Variants in OR5M3 observed in about 807,000 individuals in gnomAD.
OR5M3 encodes the protein olfactory receptor family 5 subfamily M member 3, also known as olfactory receptor 5M3.
For missense variants in OR5M3, 384 were observed against 378.6 expected (o/e 1.01, Z -0.12); for synonymous variants, 129 against 131.3 (o/e 0.98, Z 0.12).
chr11:56,469,760 G>C lies in OR5M3; in HGVS notation c.738C>G (p.Val246=), dbSNP rs1310897932. 1 of 1,613,098 alleles carries C rather than the reference G, an allele frequency of 6.2e-7. No homozygotes were observed. The highest frequency in any genetic ancestry group is 8.5e-7 in the Non-Finnish European group (1 of 1,179,378). The change falls in exon 2 of 2, where the codon GTC becomes GTG. Residue 246 remains valine (V), a synonymous_variant. Transcript: ENST00000641993. ...FSTCGSHLTA[V]IIFYGTLIFM... is the part of the protein sequence containing the mutation. ...AGATCAGAGTACCATAGAATATAAT[G>C]ACAGCTGTCAGATGGGACCCACATG...
chr11:56,470,039 C>G lies in OR5M3; in HGVS notation c.459G>C (p.Thr153=), dbSNP rs1177460032. Residue 153 remains threonine, a synonymous_variant, in exon 2 of 2, where the codon ACG becomes ACC. Coordinates refer to ENST00000641993, the MANE Select transcript of OR5M3 (RefSeq NM_001004742.3). ...ITFPYIYGFL[T]SLAATLWTYG... ...AAGTCCATAATGTTGCTGCCAGACTCGTCAGAAAACCATAAATGTAAGGGA... is the reference window on the plus strand; with the variant it reads ...AAGTCCATAATGTTGCTGCCAGACTGGTCAGAAAACCATAAATGTAAGGGA... 28 of 1,612,508 alleles carry G rather than the reference C, an allele frequency of 1.7e-5. 1 individual carries two copies. Among genetic ancestry groups the G allele is most frequent in the African/African-American group, 2.7e-5 (2 of 74,862 alleles).
rs762646923 is a variant in OR5M3 at position 56,469,552 on chromosome 11, A to G, written c.*22T>C. The G allele has an allele frequency of 6.9e-7, 1 of 1,442,702 alleles. No individual in the cohort carries two copies. The highest frequency in any genetic ancestry group is 1.4e-5 in the African/African-American group (1 of 69,980). The allele number at this position is 1,442,702 out of a possible 1,614,324, so 89.4% of individuals were successfully genotyped here. A position where few individuals can be genotyped will look rare whatever the true frequency, so the allele number is the denominator to read the frequency against. ...AACAAATAATAGAAGATAAAATTAAATCAAATTTGATTTTATTTTGTTTAA... is the reference window on the plus strand; with the variant it reads ...AACAAATAATAGAAGATAAAATTAAGTCAAATTTGATTTTATTTTGTTTAA... On this transcript the variant is annotated 3_prime_UTR_variant, in exon 2 of 2. Transcript: ENST00000641993.
chr11:56,469,301 T>C lies in OR5M3; in HGVS notation c.*273A>G, dbSNP rs620166. On this transcript the variant is annotated 3_prime_UTR_variant, in exon 2 of 2. Coordinates refer to ENST00000641993, the MANE Select transcript of OR5M3 (RefSeq NM_001004742.3). Reference sequence around the variant, plus strand: ...CACTTTTCAATAAGAAAACGTCTTTTGGTTGCAGCTATTTGAGCAATTTCC... The same window carrying C: ...CACTTTTCAATAAGAAAACGTCTTTCGGTTGCAGCTATTTGAGCAATTTCC... 4 of 259,824 alleles carry C rather than the reference T, an allele frequency of 1.5e-5. No homozygotes were observed. The highest frequency in any genetic ancestry group is 2.9e-5 in the Non-Finnish European group (4 of 139,082). The allele number at this position is 259,824 out of a possible 1,614,324, so 16.1% of individuals were successfully genotyped here.
chr11:56,470,357 G>T lies in OR5M3; in HGVS notation c.141C>A (p.Ile47=). 2 of 1,613,726 alleles carry T rather than the reference G, an allele frequency of 1.2e-6. No homozygotes were observed. The highest frequency in any genetic ancestry group is 1.7e-6 in the Non-Finnish European group (2 of 1,179,806). The change falls in exon 2 of 2, where the codon ATC becomes ATA. Residue 47 remains isoleucine (I), a synonymous_variant. Transcript: ENST00000641993. ...GGTTGTTAAGCTGAGGACTGACCTT[G>T]ATTAACACCATCATGCCGATATTGC... is the stretch of plus-strand genomic sequence containing the variant. ...MVGNIGMMVL[I]KVSPQLNNPM...
chr11:56,470,375 G>A lies in OR5M3; in HGVS notation c.123C>T (p.Ile41=), dbSNP rs748258667. 1.5e-5 allele frequency: 25 copies of A among 1,613,344 alleles called. No individual in the cohort carries two copies. The East Asian group carries it at 2.5e-4, about 16-fold the overall frequency. ...TGACCTTGATTAACACCATCATGCC[G>A]ATATTGCCCACCATGGTGATGATGT... ...VVYIITMVGN[I]GMMVLIKVSP... The change falls in exon 2 of 2, where the codon ATC becomes ATT. Residue 41 remains isoleucine, a synonymous_variant. Transcript: ENST00000641993.
In OR5M3 at chr11:56,469,751, G is replaced by C; in HGVS notation, c.747C>G (p.Phe249Leu). Reference sequence around the variant, plus strand: ...GATACATGAAGATCAGAGTACCATAGAATATAATGACAGCTGTCAGATGGG... The same window carrying C: ...GATACATGAAGATCAGAGTACCATACAATATAATGACAGCTGTCAGATGGG... ...CGSHLTAVII[F>L]YGTLIFMYLR... The change falls in exon 2 of 2, where the codon TTC (phenylalanine) becomes TTG (leucine). Residue 249 changes from phenylalanine to leucine, a missense_variant. Coordinates refer to ENST00000641993, the MANE Select transcript of OR5M3 (RefSeq NM_001004742.3). 6.2e-7 allele frequency: 1 copy of C among 1,613,158 alleles called. No homozygotes were observed. The highest frequency in any genetic ancestry group is 8.5e-7 in the Non-Finnish European group (1 of 1,179,460).
In OR5M3 at chr11:56,469,753, A is replaced by G. The variant is rs1335474996; in HGVS notation, c.745T>C (p.Phe249Leu). 2 of 1,613,272 alleles carry G rather than the reference A, an allele frequency of 1.2e-6. No individual in the cohort carries two copies. The highest frequency in any genetic ancestry group is 1.7e-6 in the Non-Finnish European group (2 of 1,179,510). ...TACATGAAGATCAGAGTACCATAGA[A>G]TATAATGACAGCTGTCAGATGGGAC... The part of the protein sequence containing the change: ...CGSHLTAVII[F>L]YGTLIFMYLR... Residue 249 changes from phenylalanine to leucine, a missense_variant, in exon 2 of 2, where the codon TTC (phenylalanine) becomes CTC (leucine). Transcript: ENST00000641993.
chr11:56,470,615 A>T, intron 1 of OR5M3, 74 bp from the exon 2 acceptor site: 1 of 589,166 alleles, frequency 1.7e-6, no homozygotes, highest in Non-Finnish European at 2.9e-6. Flanking sequence ...TTTATACAAT[A>T]TCTATTAGCA....
chr11:56,469,681 C>T lies in OR5M3; in HGVS notation c.817G>A (p.Ala273Thr), dbSNP rs1163760095. ...GGGATCACTGTGGTATAGAACACAG[C>T]CACCATCTTCCCCTGCTCCACAGAC... ...EESVEQGKMV[A>T]VFYTTVIPML... The change falls in exon 2 of 2, where the codon GCT (alanine) becomes ACT (threonine). Residue 273 changes from alanine to threonine, a missense_variant. By Grantham distance (58) the Ala-to-Thr change is moderately conservative. Transcript: ENST00000641993. The T allele has an allele frequency of 6.3e-7, 1 of 1,592,316 alleles. No individual in the cohort carries two copies. Among genetic ancestry groups the T allele is most frequent in the Non-Finnish European group, 8.6e-7 (1 of 1,162,078 alleles).
At chr11:56,471,727 A>G (rs996529386) in intron 1 of OR5M3, among the ~76,000 whole-genome samples, 4 of 151,996 alleles carry the variant, frequency 2.6e-5, no homozygotes, top group Non-Finnish European at 5.9e-5. Context: ...TTTCTCTCAT[A>G]TATGTATGAG....
At position 56,469,481 on chromosome 11, in the gene OR5M3, A is replaced by G; in HGVS notation, c.*93T>C. 1 of 663,268 alleles carries G rather than the reference A, an allele frequency of 1.5e-6. No individual in the cohort carries two copies. Among genetic ancestry groups the G allele is most frequent in the Non-Finnish European group, 2.4e-6 (1 of 408,206 alleles). 41.1% of individuals were successfully genotyped at this position (663,268 alleles called of 1,614,324 possible). On this transcript the variant is annotated 3_prime_UTR_variant, in exon 2 of 2. Coordinates refer to ENST00000641993, the MANE Select transcript of OR5M3 (RefSeq NM_001004742.3). ...TATTTTTCTTTTCAACCCACAGAAT[A>G]TCTTTATCTTAATGTTCCTAGGTAC...
Position 56,469,630 on chromosome 11 carries a change from G to T in OR5M3, c.868C>A (p.Leu290Met), listed in dbSNP as rs1350539188. ...IPMLNPMIYS[L>M]RNKDVKKAMM... ...GCCTTTTTCACATCCTTGTTCCTCAGACTGTAGATCATGGGATTCAACATG... is the reference window on the plus strand; with the variant it reads ...GCCTTTTTCACATCCTTGTTCCTCATACTGTAGATCATGGGATTCAACATG... Residue 290 changes from leucine (L) to methionine (M), a missense_variant, in exon 2 of 2, where the codon CTG becomes ATG. Physicochemically the swap from Leu to Met is conservative, Grantham distance 15 (BLOSUM62 2). Coordinates refer to ENST00000641993, the MANE Select transcript of OR5M3 (RefSeq NM_001004742.3). 3 of 1,537,814 alleles carry T rather than the reference G, an allele frequency of 2.0e-6. No homozygotes were observed. The highest frequency in any genetic ancestry group is 2.6e-6 in the Non-Finnish European group (3 of 1,134,242).
rs748550532 is a variant in OR5M3 at position 56,470,108 on chromosome 11, A to G, written c.390T>C (p.Tyr130=). The G allele has an allele frequency of 1.5e-5, 24 of 1,603,032 alleles. 1 individual carries two copies. The highest frequency in any genetic ancestry group is 8.9e-5 in the East Asian group (4 of 44,892). ...RYMAIGNPLL[Y]GSKMSRVVCI... is the part of the protein sequence containing the mutation. The stretch of plus-strand genomic sequence containing the variant: ...AGACAACCCTTGACATTTTACTGCC[A>G]TAAAGCAGAGGATTCCCAATTGCCA... Residue 130 remains tyrosine, a synonymous_variant, in exon 2 of 2, where the codon TAT becomes TAC. Coordinates refer to ENST00000641993, the MANE Select transcript of OR5M3 (RefSeq NM_001004742.3).
rs764655350 is a variant in OR5M3, at chr11:56,469,831, T to A, written c.667A>T (p.Ile223Phe). The change falls in exon 2 of 2, where the codon ATT becomes TTT. Residue 223 changes from isoleucine (I) to phenylalanine (F), a missense_variant. Transcript: ENST00000641993. ...CCTTCTGCTGAGCGCATTCGCAGAA[T>A]GGCAATGAGGATGAATAAGTAAGAG... ...IISYLFILIA[I>F]LRMRSAEGRQ... 6 of 1,611,536 alleles carry A rather than the reference T, an allele frequency of 3.7e-6. No homozygotes were observed. In the South Asian group the frequency reaches 6.6e-5, roughly 18 times the overall value.
rs761912928 is a variant in OR5M3, at chr11:56,469,895, G to T, written c.603C>A (p.Ala201=). The T allele has an allele frequency of 1.2e-6, 2 of 1,613,020 alleles. No homozygotes were observed. The highest frequency in any genetic ancestry group is 1.3e-5 in the African/African-American group (1 of 75,004). The change falls in exon 2 of 2, where the codon GCC becomes GCA. Residue 201 remains alanine, a synonymous_variant. Transcript: ENST00000641993. The part of the protein sequence containing the change: ...FVKEYTMIIL[A]GINFTYSLTV... ...TCAGGGAATATGTGAAGTTAATGCC[G>T]GCAAGTATGATCATTGTATATTCTT...
intron 1 of OR5M3, among the ~76,000 whole-genome samples, chr11:56,472,377 AC>A (rs1252613382): frequency 3.9e-5 from 6 of 152,032 alleles, no homozygotes; most frequent in African/African-American, 1.4e-4. Flanking sequence ...TCAACAGATA[AC>A]TCCAGATTTC....
rs747470444 is a variant in OR5M3 at position 56,469,583 on chromosome 11, T to C, written c.915A>G (p.Arg305=). 8 of 1,495,112 alleles carry C rather than the reference T, an allele frequency of 5.4e-6. No individual in the cohort carries two copies. The South Asian group carries it at 9.4e-5, about 18-fold the overall frequency. The allele number at this position is 1,495,112 out of a possible 1,614,324, so 92.6% of individuals were successfully genotyped here. A position where few individuals can be genotyped will look rare whatever the true frequency, so the allele number is the denominator to read the frequency against. The part of the protein sequence containing the change: ...VKKAMMKVIS[R]SC ...TTTGATTTTATTTTGTTTAACATGA[T>C]CTGCTGATCACTTTCATCATGGCCT... Residue 305 remains arginine, a synonymous_variant, in exon 2 of 2, where the codon AGA becomes AGG. Coordinates refer to ENST00000641993, the MANE Select transcript of OR5M3 (RefSeq NM_001004742.3).
In OR5M3 at chr11:56,473,204, A is replaced by T. The variant is rs1231591505; in HGVS notation, c.-45+17T>A. 1.3e-5 allele frequency: 2 copies of T among 152,232 alleles called. No homozygotes were observed. The highest frequency in any genetic ancestry group is 3.9e-4 in the East Asian group (2 of 5,184). The allele number at this position is 152,232 out of a possible 1,614,324, so 9.4% of individuals were successfully genotyped here. On this transcript the variant is annotated intron_variant, in intron 1 of 1. Transcript: ENST00000641993. The stretch of plus-strand genomic sequence containing the variant: ...AGCTCCATCTGACAATTCCAGATAG[A>T]TACATTTTTCACCAACCTGAGAATG...
rs533113443 is a variant in OR5M3 at position 56,469,295 on chromosome 11, G to A, written c.*279C>T. ...CACCTGCACTTTTCAATAAGAAAAC[G>A]TCTTTTGGTTGCAGCTATTTGAGCA... On this transcript the variant is annotated 3_prime_UTR_variant, in exon 2 of 2. Coordinates refer to ENST00000641993, the MANE Select transcript of OR5M3 (RefSeq NM_001004742.3). The A allele has an allele frequency of 3.8e-5, 9 of 239,664 alleles. No homozygotes were observed. Among genetic ancestry groups the A allele is most frequent in the Non-Finnish European group, 5.5e-5 (7 of 126,244 alleles). The allele number at this position is 239,664 out of a possible 1,614,324, so 14.8% of individuals were successfully genotyped here.
Sources: allele counts gnomAD v4.1 joint callset (sites outside exome capture counted in the v4.1 genomes callset), GRCh38; gene constraint gnomAD v4.1.1; transcripts MANE v1.5; gene names NCBI Gene and HGNC (gene_info 2026-07-23, HGNC 2026-07-21).